CCDC50: variants seen among roughly 807,000 people sequenced by gnomAD.
CCDC50 encodes the protein coiled-coil domain-containing protein 50.
CCDC50 carries 54 observed loss-of-function variants against 70.2 expected under a neutral mutation model. The observed-to-expected ratio is 0.77, with a 90% confidence interval of 0.62 to 0.96. The LOEUF (loss-of-function observed/expected upper bound fraction) is 0.96. CCDC50 is among the 50% of genes least tolerant of loss of function. CCDC50 has a pLI of 0.00. For missense variants in CCDC50, 558 were observed against 578.7 expected (o/e 0.96, Z 0.37); for synonymous variants, 216 against 198.8 (o/e 1.09, Z -0.73).
At position 191,392,629 on chromosome 3, in the gene CCDC50, G is replaced by A. The variant is rs988490107; in HGVS notation, c.*869G>A. The A allele has an allele frequency of 1.3e-5, 2 of 152,182 alleles. No homozygotes were observed. Among genetic ancestry groups the A allele is most frequent in the Non-Finnish European group, 2.9e-5 (2 of 68,034 alleles). 9.4% of individuals were successfully genotyped at this position (152,182 alleles called of 1,614,324 possible). On this transcript the variant is annotated 3_prime_UTR_variant, in exon 12 of 12. Coordinates refer to ENST00000392455, the MANE Select transcript of CCDC50 (RefSeq NM_178335.3). ...CTTGCTTCAAGTCAGAGCAGTATTTGTTGATAACCTCTCAATAATGTTTGG... is the reference window on the plus strand; with the variant it reads ...CTTGCTTCAAGTCAGAGCAGTATTTATTGATAACCTCTCAATAATGTTTGG...
chr3:191,374,189 TA>T (rs1484407284), intron 5 of CCDC50, among the ~76,000 whole-genome samples: 3 of 152,174 alleles, frequency 2.0e-5, no homozygotes, highest in Non-Finnish European at 4.4e-5. Flanking sequence ...TACTTGTGCC[TA>T]AAAAAGACCT....
chr3:191,330,597 C>G (rs1262294956), intron 1 of CCDC50: 1 of 152,208 alleles, frequency 6.6e-6, no homozygotes, highest in Non-Finnish European at 1.5e-5. Context: ...ACGCAGACCC[C>G]TAAGTTCCAA....
At chr3:191,332,375 T>G (rs988376056) in intron 1 of CCDC50, among the ~76,000 whole-genome samples, 3 of 152,160 alleles carry the variant, frequency 2.0e-5, no homozygotes, top group African/African-American at 7.2e-5. Flanking sequence ...AATGATTGAG[T>G]TCATATGTAG....
rs867455166 is a variant in CCDC50 at position 191,329,816 on chromosome 3, G to T, written c.49+93G>T. ...GGGCGTTGCCATTTCGGCTCCCGCG[G>T]CCCTCGCCCGGTGCCCGCCCTGCGT... On this transcript the variant is annotated intron_variant, in intron 1 of 11. Transcript: ENST00000392455. The T allele has an allele frequency of 2.0e-5, 27 of 1,368,952 alleles. 1 individual carries two copies. In the Middle Eastern group the frequency reaches 5.1e-3, roughly 259 times the overall value. The allele number at this position is 1,368,952 out of a possible 1,614,324, so 84.8% of individuals were successfully genotyped here. A position where few individuals can be genotyped will look rare whatever the true frequency, so the allele number is the denominator to read the frequency against.
intron 10 of CCDC50, among the ~76,000 whole-genome samples, chr3:191,384,361 A>G (rs570845964): frequency 5.3e-5 from 8 of 152,292 alleles, no homozygotes; most frequent in African/African-American, 1.9e-4. Flanking sequence ...TATATCTTGC[A>G]TATGTAGATA....
chr3:191,381,039 ATAAAT>A, intron 9 of CCDC50, 107 bp downstream of exon 9: 1 of 850,430 alleles, frequency 1.2e-6, no homozygotes, highest in Middle Eastern at 2.9e-4. Flanking sequence ...ATATGAATAT[ATAAAT>A]TATCTGTATT....
intron 4 of CCDC50, among the ~76,000 whole-genome samples, chr3:191,365,312 T>C (rs905640535): frequency 1.3e-4 from 19 of 151,888 alleles, no homozygotes; most frequent in Non-Finnish European, 2.2e-4. Flanking sequence ...TGAGCCATGG[T>C]ACTTACACAT....
intron 1 of CCDC50, among the ~76,000 whole-genome samples, chr3:191,339,026 G>A (rs560189211): frequency 6.6e-6 from 1 of 152,164 alleles, no homozygotes; most frequent in East Asian, 1.9e-4. Flanking sequence ...GATAAAGGGG[G>A]GAAGGCTCTT....
rs182156428 is a variant in CCDC50, at chr3:191,384,452, G to A, written c.1322+1627G>A. 1.9e-3 allele frequency among the ~76,000 whole-genome samples: 224 copies of A among 117,140 alleles called. 2 individuals carry two copies. Among genetic ancestry groups the A allele is most frequent in the Middle Eastern group, 8.8e-3 (2 of 228 alleles). The allele number at this position is 117,140 out of a possible 152,430, so 76.8% of individuals were successfully genotyped here. On this transcript the variant is annotated intron_variant, in intron 10 of 11. Transcript: ENST00000392455. ...TTTCACATTTAATCATGATGGAAAA[G>A]TTTAGCTATACAGAAATATTTGGTT...
Position 191,375,240 on chromosome 3 carries a change from G to T in CCDC50, c.627G>T (p.Ser209=), listed in dbSNP as rs199687225. ...SSKRSLSSSS[S]GKGRDNPHIN... ...AGAGATCCCTGTCATCCTCTAGCTC[G>T]GGCAAAGGGAGGGACAATCCCCATA... Residue 209 remains serine (S), a synonymous_variant, in exon 6 of 12, where the codon TCG becomes TCT. Coordinates refer to ENST00000392455, the MANE Select transcript of CCDC50 (RefSeq NM_178335.3). 6.2e-7 allele frequency: 1 copy of T among 1,613,714 alleles called. No individual in the cohort carries two copies.
chr3:191,388,872 A>T (rs566105729), intron 10 of CCDC50, among the ~76,000 whole-genome samples: 1 of 152,214 alleles, frequency 6.6e-6, no homozygotes, highest in East Asian at 1.9e-4. Flanking sequence ...GTTTGCATAA[A>T]TCTATGTTAA....
Position 191,395,995 on chromosome 3 carries a change from A to G in CCDC50, c.*4235A>G, listed in dbSNP as rs1435548770. On this transcript the variant is annotated 3_prime_UTR_variant, in exon 12 of 12. Coordinates refer to ENST00000392455, the MANE Select transcript of CCDC50 (RefSeq NM_178335.3). ...GCTGCATGGGGCACAATGTCTTTCA[A>G]ATTATTGGTGGAAGAATCTCTTTTA... 2 of 152,154 alleles carry G rather than the reference A, an allele frequency of 1.3e-5. No individual in the cohort carries two copies. Among genetic ancestry groups the G allele is most frequent in the Non-Finnish European group, 1.5e-5 (1 of 68,020 alleles). The allele number at this position is 152,154 out of a possible 1,614,324, so 9.4% of individuals were successfully genotyped here. A position where few individuals can be genotyped will look rare whatever the true frequency, so the allele number is the denominator to read the frequency against.
At position 191,394,580 on chromosome 3, in the gene CCDC50, G is replaced by A. The variant is rs1311913967; in HGVS notation, c.*2820G>A. On this transcript the variant is annotated 3_prime_UTR_variant, in exon 12 of 12. Transcript: ENST00000392455. ...TGATGTAAACTAATACTTCTGGCCT[G>A]GGAAAACCTTTCTGTTTCTGTATCT... The A allele has an allele frequency of 1.3e-5, 2 of 152,106 alleles. No individual in the cohort carries two copies. Among genetic ancestry groups the A allele is most frequent in the Admixed American group, 6.6e-5 (1 of 15,262 alleles). The allele number at this position is 152,106 out of a possible 1,614,324, so 9.4% of individuals were successfully genotyped here.
intron 1 of CCDC50, among the ~76,000 whole-genome samples, chr3:191,353,136 T>C (rs1047548642): frequency 7.0e-6 from 1 of 142,150 alleles, no homozygotes; most frequent in African/African-American, 2.5e-5. Flanking sequence ...TTCTAAGCAA[T>C]GAGGCAGAGT....
intron 3 of CCDC50, 78 bp downstream of exon 3, chr3:191,358,202 G>T: frequency 5.3e-6 from 8 of 1,523,678 alleles, no homozygotes; most frequent in Non-Finnish European, 6.4e-6. Context: ...AGGGGAGAAG[G>T]AGACTACTTC....
intron 4 of CCDC50, among the ~76,000 whole-genome samples, chr3:191,368,290 G>A (rs1712771807): frequency 6.6e-6 from 1 of 152,004 alleles, no homozygotes; most frequent in African/African-American, 2.4e-5. Flanking sequence ...GTAGGATTAT[G>A]ATATCTTTTA....
rs566760797 is a variant in CCDC50 at position 191,389,581 on chromosome 3, A to G, written c.1408A>G (p.Lys470Glu). 6.2e-7 allele frequency: 1 copy of G among 1,613,516 alleles called. No individual in the cohort carries two copies. Among genetic ancestry groups the G allele is most frequent in the South Asian group, 1.1e-5 (1 of 91,062 alleles). ...GCAGAGTTCCACACGGCATTTCTCAAAATCAGAGTCCTCTCATAAAGGTAA... is the reference window on the plus strand; with the variant it reads ...GCAGAGTTCCACACGGCATTTCTCAGAATCAGAGTCCTCTCATAAAGGTAA... Reference protein sequence around the residue: ...NQQSSTRHFSKSESSHKGFHY... With the variant: ...NQQSSTRHFSESESSHKGFHY... Residue 470 changes from lysine (K) to glutamate (E), a missense_variant, in exon 11 of 12, where the codon AAA becomes GAA. Coordinates refer to ENST00000392455, the MANE Select transcript of CCDC50 (RefSeq NM_178335.3).
At chr3:191,367,598 TAATC>T (rs1348270046) in intron 4 of CCDC50, among the ~76,000 whole-genome samples, 1 of 152,178 alleles carries the variant, frequency 6.6e-6, no homozygotes, top group African/African-American at 2.4e-5. Flanking sequence ...AAGTCTGAAC[TAATC>T]AATCTTAAAG....
rs2108680834 is a variant in CCDC50, at chr3:191,394,370, A to G, written c.*2610A>G. 6.6e-6 allele frequency: 1 copy of G among 152,296 alleles called. No homozygotes were observed. Among genetic ancestry groups the G allele is most frequent in the East Asian group, 1.9e-4 (1 of 5,196 alleles). The allele number at this position is 152,296 out of a possible 1,614,324, so 9.4% of individuals were successfully genotyped here. On this transcript the variant is annotated 3_prime_UTR_variant, in exon 12 of 12. Coordinates refer to ENST00000392455, the MANE Select transcript of CCDC50 (RefSeq NM_178335.3). ...CATTCAAATAATATAATAATGTTTG[A>G]GACTATAGAAGCAACTCAACTGTAT...
Sources: gnomAD v4.1 joint callset for allele counts (sites outside exome capture counted in the v4.1 genomes callset) on GRCh38, gnomAD v4.1.1 for gene constraint, MANE v1.5 for transcripts, NCBI Gene and HGNC (gene_info 2026-07-23, HGNC 2026-07-21) for gene names.